ACYP2: variants seen among roughly 807,000 people sequenced by gnomAD.
ACYP2 encodes acylphosphatase 2.
A neutral mutation model predicts 11.2 loss-of-function variants in ACYP2; 12 were observed. The observed-to-expected ratio is 1.08, with a 90% CI of 0.69 to 1.74. The LOEUF is 1.74. Ranked by LOEUF, ACYP2 falls within the 40% of genes most tolerant of loss-of-function variation. The pLI is 0.00. For synonymous variants in ACYP2, 43 were observed against 32.2 expected (o/e 1.33, Z -1.13); for missense variants, 134 against 101.9 (o/e 1.31, Z -1.35).
At chr2:53,994,512 C>T in intron 2 of ACYP2, among the ~76,000 whole-genome samples, 1 of 30,526 alleles carries the variant, frequency 3.3e-5, no homozygotes, top group Non-Finnish European at 7.7e-5. Context: ...GAGTAAGACT[C>T]AGAAAAAAAA....
At chr2:54,100,154 A>G (rs1323080709) in intron 4 of ACYP2, among the ~76,000 whole-genome samples, 3 of 150,156 alleles carry the variant, frequency 2.0e-5, no homozygotes, top group Non-Finnish European at 4.4e-5. Context: ...GTAAAAAATA[A>G]TAAATGAACA....
intron 4 of ACYP2, among the ~76,000 whole-genome samples, chr2:54,093,669 G>C (rs368941839): frequency 1.3e-5 from 2 of 152,236 alleles, no homozygotes; most frequent in Non-Finnish European, 2.9e-5. Flanking sequence ...GGCCGGGCGT[G>C]GTGGCTCACG....
chr2:54,002,894 C>T (rs541197443), intron 2 of ACYP2, among the ~76,000 whole-genome samples: 6 of 145,564 alleles, frequency 4.1e-5, no homozygotes, highest in Non-Finnish European at 7.6e-5. Context: ...GTGATCCGCC[C>T]GCCTCGGCCT....
chr2:54,138,690 A>T lies in ACYP2; in HGVS notation c.346A>T (p.Thr116Ser). 6.2e-7 allele frequency: 1 copy of T among 1,614,154 alleles called. No homozygotes were observed. The highest frequency in any genetic ancestry group is 1.1e-5 in the South Asian group (1 of 91,086). Reference sequence around the variant, plus strand: ...AGGAGTGGTTGGCTGGGTGAAGAATACCAGCAAAGGCACCGTGACAGGCCA... The same window carrying T: ...AGGAGTGGTTGGCTGGGTGAAGAATTCCAGCAAAGGCACCGTGACAGGCCA... Residue 116 changes from threonine to serine, a missense_variant, in exon 6 of 7, where the codon ACC (threonine) becomes TCC (serine). Physicochemically the swap from Thr to Ser is moderately conservative, Grantham distance 58 (BLOSUM62 1). Transcript: ENST00000607452.
chr2:54,176,007 G>C (rs1683444211), intron 6 of ACYP2, among the ~76,000 whole-genome samples: 1 of 152,096 alleles, frequency 6.6e-6, no homozygotes, highest in Non-Finnish European at 1.5e-5. Context: ...TACATTGAAG[G>C]CACCATCCAT....
chr2:53,996,547 G>A (rs1672584100), intron 2 of ACYP2, among the ~76,000 whole-genome samples: 1 of 152,272 alleles, frequency 6.6e-6, no homozygotes, highest in African/African-American at 2.4e-5. Flanking sequence ...TTTGCAATGG[G>A]TAGAACTGGT....
chr2:54,117,763 ATTTAAT>A (rs1679898158), intron 4 of ACYP2, among the ~76,000 whole-genome samples: 1 of 152,034 alleles, frequency 6.6e-6, no homozygotes, highest in Non-Finnish European at 1.5e-5. Flanking sequence ...TCTTTTTTTA[ATTTAAT>A]TTTATTTTTA....
chr2:54,151,173 G>C (rs931479988), intron 6 of ACYP2, among the ~76,000 whole-genome samples: 1 of 152,150 alleles, frequency 6.6e-6, no homozygotes, highest in Admixed American at 6.5e-5. Flanking sequence ...ATTAATACTT[G>C]ACATTTGTGT....
At chr2:54,145,965 C>G (rs1488340165) in intron 6 of ACYP2, among the ~76,000 whole-genome samples, 1 of 152,220 alleles carries the variant, frequency 6.6e-6, no homozygotes, top group African/African-American at 2.4e-5. Context: ...GTAGAGCAGG[C>G]TCCTGTGTCC....
intron 6 of ACYP2, among the ~76,000 whole-genome samples, chr2:54,232,678 G>C (rs1008067938): frequency 1.2e-4 from 18 of 152,094 alleles, no homozygotes; most frequent in African/African-American, 4.1e-4. Flanking sequence ...TGCATGGCTG[G>C]GGAGGCCTCA....
chr2:53,982,717 T>C (rs1368870463), intron 2 of ACYP2, among the ~76,000 whole-genome samples: 1 of 152,210 alleles, frequency 6.6e-6, no homozygotes, highest in East Asian at 1.9e-4. Flanking sequence ...AGTGATTGTC[T>C]TAGCATGAGA....
chr2:54,188,447 G>A (rs1214615537), intron 6 of ACYP2, among the ~76,000 whole-genome samples: 1 of 151,980 alleles, frequency 6.6e-6, no homozygotes, highest in Non-Finnish European at 1.5e-5. Flanking sequence ...CTATTATATT[G>A]TTAAAAGAGC....
At chr2:54,193,408 C>G (rs1684319938) in intron 6 of ACYP2, among the ~76,000 whole-genome samples, 1 of 152,224 alleles carries the variant, frequency 6.6e-6, no homozygotes, top group South Asian at 2.1e-4. Context: ...TGAAATAACT[C>G]ATTTAAACAG....
intron 6 of ACYP2, among the ~76,000 whole-genome samples, chr2:54,148,937 C>A (rs942483232): frequency 6.6e-6 from 1 of 152,056 alleles, no homozygotes; most frequent in African/African-American, 2.4e-5. Context: ...TGGCAAAAAC[C>A]GCAATTACTT....
In ACYP2 at chr2:53,971,154, C is replaced by T. The variant is rs371854753; in HGVS notation, c.-204C>T. The T allele has an allele frequency of 2.6e-4, 51 of 199,878 alleles. No homozygotes were observed. The East Asian group carries it at 5.9e-3, about 23-fold the overall frequency. 12.4% of individuals were successfully genotyped at this position (199,878 alleles called of 1,614,324 possible). On this transcript the variant is annotated 5_prime_UTR_variant, in exon 1 of 7. Coordinates refer to ENST00000607452, the MANE Select transcript of ACYP2 (RefSeq NM_001320586.2). The stretch of plus-strand genomic sequence containing the variant: ...GCCCAACGGGCTGCGCCTTCTTCGC[C>T]GTGGGCCCGGCTCGGAGCCCCCACC...
At chr2:54,256,799 G>A (rs1302390189) in intron 6 of ACYP2, among the ~76,000 whole-genome samples, 1 of 151,146 alleles carries the variant, frequency 6.6e-6, no homozygotes, top group Non-Finnish European at 1.5e-5. Context: ...CCACCACCAT[G>A]CCCGGTTTTT....
At position 54,138,646 on chromosome 2, in the gene ACYP2, A is replaced by T; in HGVS notation, c.302A>T (p.Glu101Val). 1 of 1,613,566 alleles carries T rather than the reference A, an allele frequency of 6.2e-7. No homozygotes were observed. Among genetic ancestry groups the T allele is most frequent in the Non-Finnish European group, 8.5e-7 (1 of 1,179,550 alleles). Residue 101 changes from glutamate (E) to valine (V), a missense_variant, in exon 6 of 7, where the codon GAA becomes GTA. Physicochemically the swap from Glu to Val is moderately radical, Grantham distance 121. Coordinates refer to ENST00000607452, the MANE Select transcript of ACYP2 (RefSeq NM_001320586.2). ...TGTTTTTTCCTGAAACAGTATACAGAAGATGAAGCTAGGAAAATAGGAGTG... is the reference window on the plus strand; with the variant it reads ...TGTTTTTTCCTGAAACAGTATACAGTAGATGAAGCTAGGAAAATAGGAGTG...
intron 6 of ACYP2, among the ~76,000 whole-genome samples, chr2:54,159,045 A>G (rs1424869883): frequency 4.6e-5 from 7 of 152,004 alleles, no homozygotes; most frequent in Non-Finnish European, 2.9e-5. Context: ...CTCTCTCTAT[A>G]TAGTATATAG....
chr2:54,299,924 C>T (rs1689659758), intron 6 of ACYP2, among the ~76,000 whole-genome samples: 1 of 152,244 alleles, frequency 6.6e-6, no homozygotes, highest in South Asian at 2.1e-4. Context: ...TGCTCTTTCA[C>T]AATTCCTTTA....
Sources: gnomAD v4.1 joint callset for allele counts (sites outside exome capture counted in the v4.1 genomes callset) on GRCh38, gnomAD v4.1.1 for gene constraint, MANE v1.5 for transcripts, NCBI Gene and HGNC (gene_info 2026-07-23, HGNC 2026-07-21) for gene names.